The following SIGLEC5 variants were observed in gnomAD, a reference collection of about 807,000 sequenced individuals.
SIGLEC5 encodes the protein sialic acid binding Ig like lectin 5, also known as sialic acid-binding Ig-like lectin 5.
Under a neutral mutation model 45.9 loss-of-function variants are expected in SIGLEC5, and 34 were observed. That is an observed-to-expected ratio of 0.74 (90% CI 0.56 to 0.99). The LOEUF (loss-of-function observed/expected upper bound fraction) is 0.99. Among genes scored for constraint, SIGLEC5 ranks in the 50% least tolerant of loss-of-function variants. SIGLEC5 has a pLI of 0.00. For missense variants in SIGLEC5, 508 were observed against 629.6 expected (o/e 0.81, Z 2.07); for synonymous variants, 203 against 258.6 (o/e 0.79, Z 2.06).
In SIGLEC5 at chr19:51,612,390, G is replaced by T; in HGVS notation, c.1497C>A (p.Pro499=). ...CCCCAGGAGGAGATGCTTGATCTCC[G>T]GGGCTGTCTGGCCAGGGCTTCTTCC... ...GSRKKPWPDS[P]GDQASPPGDA... The change falls in exon 9 of 9, where the codon CCC becomes CCA. Residue 499 remains proline (P), a synonymous_variant. Transcript: ENST00000683636. The T allele has an allele frequency of 6.2e-7, 1 of 1,612,868 alleles. No homozygotes were observed. Among genetic ancestry groups the T allele is most frequent in the African/African-American group, 1.3e-5 (1 of 74,960 alleles).
chr19:51,624,606 G>A (rs898222280), intron 8 of SIGLEC5, among the ~76,000 whole-genome samples: 5 of 152,070 alleles, frequency 3.3e-5, no homozygotes, highest in Admixed American at 6.6e-5. Flanking sequence ...GAGGAGACAC[G>A]CTGGACAGAA....
rs144325995 is a variant in SIGLEC5 at position 51,611,828 on chromosome 19, G to A, written c.*403C>T. On this transcript the variant is annotated 3_prime_UTR_variant, in exon 9 of 9. Transcript: ENST00000683636. ...ATTGCTGCCCTGTTTTTTGTGCCTGGTCATCCCCAGCCTTGAGAGAACTTG... is the reference window on the plus strand; with the variant it reads ...ATTGCTGCCCTGTTTTTTGTGCCTGATCATCCCCAGCCTTGAGAGAACTTG... 809 of 153,220 alleles carry A rather than the reference G, an allele frequency of 5.3e-3. 5 individuals carry two copies. Among genetic ancestry groups the A allele is most frequent in the Non-Finnish European group, 8.6e-3 (592 of 68,758 alleles). The allele number at this position is 153,220 out of a possible 1,614,324, so 9.5% of individuals were successfully genotyped here. A position where few individuals can be genotyped will look rare whatever the true frequency, so the allele number is the denominator to read the frequency against.
chr19:51,628,441 C>T (rs1983587227), intron 4 of SIGLEC5, among the ~76,000 whole-genome samples: 2 of 152,116 alleles, frequency 1.3e-5, no homozygotes, highest in South Asian at 4.1e-4. Context: ...AACCACAGAG[C>T]TGGGCTGACT....
At chr19:51,625,309 C>T (rs749545929) in intron 8 of SIGLEC5, among the ~76,000 whole-genome samples, 1 of 152,196 alleles carries the variant, frequency 6.6e-6, no homozygotes, top group African/African-American at 2.4e-5. Context: ...GAAGTGGCCA[C>T]CTGGTGTGGG....
At position 51,612,125 on chromosome 19, in the gene SIGLEC5, A is replaced by G. The variant is rs1982872732; in HGVS notation, c.*106T>C. Reference sequence around the variant, plus strand: ...AGCACTTAAACATCAGTTAATGTTAACATTGCCACAAGGGCTCTTCGTGCT... The same window carrying G: ...AGCACTTAAACATCAGTTAATGTTAGCATTGCCACAAGGGCTCTTCGTGCT... On this transcript the variant is annotated 3_prime_UTR_variant, in exon 9 of 9. Coordinates refer to ENST00000683636, the MANE Select transcript of SIGLEC5 (RefSeq NM_003830.4). 2 of 621,082 alleles carry G rather than the reference A, an allele frequency of 3.2e-6. No homozygotes were observed. Among genetic ancestry groups the G allele is most frequent in the Non-Finnish European group, 5.1e-6 (2 of 390,252 alleles). 38.5% of individuals were successfully genotyped at this position (621,082 alleles called of 1,614,324 possible). A position where few individuals can be genotyped will look rare whatever the true frequency, so the allele number is the denominator to read the frequency against.
rs926612626 is a variant in SIGLEC5 at position 51,611,773 on chromosome 19, G to T, written c.*458C>A. ...TGGTCTTTCCTAGGGAGTCTTCGAA[G>T]AGTTTTGGGAAGGGGAGTGACACCA... On this transcript the variant is annotated 3_prime_UTR_variant, in exon 9 of 9. Coordinates refer to ENST00000683636, the MANE Select transcript of SIGLEC5 (RefSeq NM_003830.4). 6.6e-6 allele frequency among the ~76,000 whole-genome samples: 1 copy of T among 152,190 alleles called. No individual in the cohort carries two copies. Among genetic ancestry groups the T allele is most frequent in the Non-Finnish European group, 1.5e-5 (1 of 68,018 alleles).
chr19:51,627,477 C>G lies in SIGLEC5; in HGVS notation c.1267G>C (p.Val423Leu). ...GCCCCCTGACCTTGCAGCAGCAGGA[C>G]AGAGCCGCTCTGGGACCCATAGATG... ...WNIYGSQSGS[V>L]LLLQGRSNLG... Residue 423 changes from valine (V) to leucine (L), a missense_variant, in exon 6 of 9, where the codon GTC becomes CTC. By Grantham distance (32) the Val-to-Leu change is conservative. Around this residue, in one of 2 missense-constraint regions of SIGLEC5, gnomAD observed 431 missense variants for 428.8 expected, o/e 1.01. Transcript: ENST00000683636. 1.2e-6 allele frequency: 2 copies of G among 1,613,278 alleles called. No individual in the cohort carries two copies. Among genetic ancestry groups the G allele is most frequent in the Non-Finnish European group, 1.7e-6 (2 of 1,179,678 alleles).
chr19:51,613,573 C>G (rs1982938250), intron 8 of SIGLEC5, among the ~76,000 whole-genome samples: 2 of 152,020 alleles, frequency 1.3e-5, no homozygotes, highest in South Asian at 4.1e-4. Context: ...ATATACATTT[C>G]CTGTGAACTC....
At chr19:51,623,561 C>T (rs528815974) in intron 8 of SIGLEC5, among the ~76,000 whole-genome samples, 64 of 152,024 alleles carry the variant, frequency 4.2e-4, no homozygotes, top group Admixed American at 3.6e-3. Flanking sequence ...CACTGGTAAC[C>T]GAGGAAATGC....
At chr19:51,628,805 G>C (rs1983609059) in intron 4 of SIGLEC5, among the ~76,000 whole-genome samples, 1 of 148,706 alleles carries the variant, frequency 6.7e-6, no homozygotes, top group Non-Finnish European at 1.5e-5. Flanking sequence ...TGTGTGTGGT[G>C]TATATGCATG....
In SIGLEC5 at chr19:51,627,841, TGA is replaced by T; in HGVS notation, c.988_989del (p.Val331LeufsTer16). 6.2e-7 allele frequency: 1 copy of T among 1,603,516 alleles called. No homozygotes were observed. Among genetic ancestry groups the T allele is most frequent in the Non-Finnish European group, 8.5e-7 (1 of 1,174,506 alleles). On this transcript the variant is annotated frameshift_variant, in exon 5 of 9. Coordinates refer to ENST00000683636, the MANE Select transcript of SIGLEC5 (RefSeq NM_003830.4). LOFTEE classifies it high-confidence loss of function. The stretch of plus-strand genomic sequence containing the variant: ...AGCTGCCCCCACACTCACAGTAAAC[TGA>T]GAGATTCAGAAAAATTTGCAGGAAG... ...LGFLQIFLNL[S>X]VYSLPQLLGP...
At position 51,627,721 on chromosome 19, in the gene SIGLEC5, G is replaced by A. The variant is rs545731633; in HGVS notation, c.1023C>T (p.Ser341=). 1 of 1,593,268 alleles carries A rather than the reference G, an allele frequency of 6.3e-7. No homozygotes were observed. Among genetic ancestry groups the A allele is most frequent in the East Asian group, 2.2e-5 (1 of 44,590 alleles). ...GCAGACCCTCAGCCTCCCAGGAGCA[G>A]GAGGGGCCCAGCAACTGTGGGAGGG... ...VYSLPQLLGP[S]CSWEAEGLHC... Residue 341 remains serine, a synonymous_variant, in exon 6 of 9, where the codon TCC becomes TCT. Coordinates refer to ENST00000683636, the MANE Select transcript of SIGLEC5 (RefSeq NM_003830.4).
intron 8 of SIGLEC5, among the ~76,000 whole-genome samples, chr19:51,613,050 G>A (rs1310798264): frequency 1.3e-5 from 2 of 151,964 alleles, no homozygotes; most frequent in African/African-American, 4.8e-5. Flanking sequence ...TCTCCTCTGT[G>A]TCCCACCCGC....
rs1361021591 is a variant in SIGLEC5 at position 51,611,931 on chromosome 19, T to G, written c.*300A>C. Reference sequence around the variant, plus strand: ...CGCCCTGTTCCAGGACCCATGTTGGTTGATTTCCATGTGTTGATTTCTTTA... The same window carrying G: ...CGCCCTGTTCCAGGACCCATGTTGGGTGATTTCCATGTGTTGATTTCTTTA... On this transcript the variant is annotated 3_prime_UTR_variant, in exon 9 of 9. Transcript: ENST00000683636. 1.1e-5 allele frequency: 2 copies of G among 184,420 alleles called. No individual in the cohort carries two copies. Among genetic ancestry groups the G allele is most frequent in the Non-Finnish European group, 2.2e-5 (2 of 89,484 alleles). The allele number at this position is 184,420 out of a possible 1,614,324, so 11.4% of individuals were successfully genotyped here.
chr19:51,612,444 G>A (rs778059632), intron 8 of SIGLEC5, 22 bp from the exon 9 acceptor site: 2 of 1,557,854 alleles, frequency 1.3e-6, no homozygotes, highest in South Asian at 1.2e-5. Context: ...GGAAGGAAAG[G>A]TGTCACAGTA....
chr19:51,613,108 G>A (rs1982922911), intron 8 of SIGLEC5, among the ~76,000 whole-genome samples: 1 of 152,190 alleles, frequency 6.6e-6, no homozygotes, highest in African/African-American at 2.4e-5. Context: ...CTCTCCTAGA[G>A]AATAGCTGTC....
intron 8 of SIGLEC5, among the ~76,000 whole-genome samples, chr19:51,613,670 CA>C (rs890749979): frequency 2.7e-5 from 4 of 150,674 alleles, no homozygotes; most frequent in South Asian, 2.1e-4. Context: ...GAATCATCAC[CA>C]AAAAAAAACC....
At chr19:51,625,917 G>A in intron 8 of SIGLEC5, 115 bp downstream of exon 8, 1 of 752,532 alleles carries the variant, frequency 1.3e-6, no homozygotes, top group Non-Finnish European at 2.4e-6. Context: ...GGGGAGAACA[G>A]GAGAGAAGAG....
At position 51,629,079 on chromosome 19, in the gene SIGLEC5, G is replaced by A. The variant is rs183620496; in HGVS notation, c.701-3C>T. 6.2e-7 allele frequency: 1 copy of A among 1,613,772 alleles called. No homozygotes were observed. Among genetic ancestry groups the A allele is most frequent in the Non-Finnish European group, 8.5e-7 (1 of 1,179,828 alleles). ...GATGGTGATGGTCTGTGGAGCATCTGGGATAAAAAGATATAAACTTGGCTT... is the reference window on the plus strand; with the variant it reads ...GATGGTGATGGTCTGTGGAGCATCTAGGATAAAAAGATATAAACTTGGCTT... On this transcript the variant is annotated splice_region_variant and splice_polypyrimidine_tract_variant and intron_variant, in intron 3 of 8. Coordinates refer to ENST00000683636, the MANE Select transcript of SIGLEC5 (RefSeq NM_003830.4).
Sources: allele counts gnomAD v4.1 joint callset (sites outside exome capture counted in the v4.1 genomes callset), GRCh38; gene constraint gnomAD v4.1.1; regional missense constraint gnomAD v4.1.1; transcripts MANE v1.5; gene names NCBI Gene and HGNC (gene_info 2026-07-23, HGNC 2026-07-21).